ZBTB20: variants seen among roughly 807,000 people sequenced by gnomAD.
ZBTB20 encodes the protein zinc finger and BTB domain containing 20.
In ZBTB20, 9 loss-of-function variants were observed where a neutral mutation model predicts 56.9. The observed-to-expected ratio is 0.16, with a 90% CI of 0.10 to 0.28. ZBTB20 has a LOEUF of 0.28. Among genes scored for constraint, ZBTB20 ranks in the 10% least tolerant of loss-of-function variants. The pLI, the probability that ZBTB20 is intolerant of heterozygous loss-of-function variation, is 1.00. For synonymous variants in ZBTB20, 417 were observed against 420.7 expected (o/e 0.99, Z 0.11); for missense variants, 655 against 1,003.0 (o/e 0.65, Z 4.69).
intron 5 of ZBTB20, among the ~76,000 whole-genome samples, chr3:114,794,157 T>G (rs2071179963): frequency 1.3e-5 from 2 of 152,086 alleles, no homozygotes; most frequent in Non-Finnish European, 2.9e-5. Flanking sequence ...GCTCAGTTTT[T>G]TCATTATAAA....
chr3:114,869,106 TAGG>T (rs922120285), intron 4 of ZBTB20, among the ~76,000 whole-genome samples: 7 of 152,028 alleles, frequency 4.6e-5, no homozygotes, highest in Non-Finnish European at 8.8e-5. Flanking sequence ...GATCTCAACT[TAGG>T]AGGTTACTGA....
chr3:114,521,005 T>C (rs546832274), intron 6 of ZBTB20, among the ~76,000 whole-genome samples: 2 of 152,286 alleles, frequency 1.3e-5, no homozygotes, highest in African/African-American at 2.4e-5. Flanking sequence ...CTTTTTTGAA[T>C]AGAAAGCAAT....
intron 5 of ZBTB20, among the ~76,000 whole-genome samples, chr3:114,797,310 C>G (rs755384396): frequency 6.6e-6 from 1 of 151,788 alleles, no homozygotes; most frequent in Non-Finnish European, 1.5e-5. Flanking sequence ...CTTTGGAAAA[C>G]TGATCCTCCC....
Position 114,743,001 on chromosome 3 carries a change from T to C in ZBTB20, c.-342-49426A>G, listed in dbSNP as rs539103878. On this transcript the variant is annotated intron_variant, in intron 5 of 11. Coordinates refer to ENST00000675478, the MANE Select transcript of ZBTB20 (RefSeq NM_001348800.3). Reference sequence around the variant, plus strand: ...CAGTGGTTTTTCCCTTGCCCCATCATGTTCACTTTGACATCTTTTTTTTAT... The same window carrying C: ...CAGTGGTTTTTCCCTTGCCCCATCACGTTCACTTTGACATCTTTTTTTTAT... Among the ~76,000 whole-genome samples, 58 of 152,330 alleles carry C rather than the reference T, an allele frequency of 3.8e-4. 1 individual carries two copies. The South Asian group carries it at 0.011, about 29-fold the overall frequency.
At chr3:114,690,497 T>G (rs2062635804) in intron 6 of ZBTB20, among the ~76,000 whole-genome samples, 1 of 152,146 alleles carries the variant, frequency 6.6e-6, no homozygotes, top group Non-Finnish European at 1.5e-5. Context: ...ACAGACAGCC[T>G]GATTTGTACA....
intron 5 of ZBTB20, among the ~76,000 whole-genome samples, chr3:114,712,071 A>G (rs1187039388): frequency 2.0e-5 from 3 of 152,236 alleles, no homozygotes; most frequent in Non-Finnish European, 4.4e-5. Context: ...GGCAGCGATC[A>G]GTGAGTATTA....
chr3:114,943,527 TGGGA>T lies in ZBTB20; in HGVS notation c.-456+30835_-456+30838del, dbSNP rs896603745. Among the ~76,000 whole-genome samples the T allele has an allele frequency of 5.0e-4, 73 of 145,410 alleles. 17 individuals are homozygous for T. The highest frequency in any genetic ancestry group is 1.8e-3 in the African/African-American group (64 of 35,682). On this transcript the variant is annotated intron_variant, in intron 3 of 11. Coordinates refer to ENST00000675478, the MANE Select transcript of ZBTB20 (RefSeq NM_001348800.3). ...AAAAGAGTGAGAATAATCAGAGAAC[TGGGA>T]TTTATATTAAAAACCCAAAGATTAT...
At chr3:114,452,179 G>A (rs535508307) in intron 7 of ZBTB20, among the ~76,000 whole-genome samples, 1 of 152,006 alleles carries the variant, frequency 6.6e-6, no homozygotes, top group East Asian at 1.9e-4. Flanking sequence ...CAAGCAAAAA[G>A]GAAAAAAGCA....
rs554797622 is a variant in ZBTB20 at position 114,848,609 on chromosome 3, T to A, written c.-416-47435A>T. On this transcript the variant is annotated intron_variant, in intron 4 of 11. Coordinates refer to ENST00000675478, the MANE Select transcript of ZBTB20 (RefSeq NM_001348800.3). ...AGTGTCTCTACATGTAGTTGTTTTT[T>A]CCCTGCTCAAGACAAGTCATTCCTC... Among the ~76,000 whole-genome samples the A allele has an allele frequency of 2.6e-5, 4 of 152,298 alleles. No individual in the cohort carries two copies. The East Asian group carries it at 7.7e-4, about 29-fold the overall frequency.
intron 1 of ZBTB20, among the ~76,000 whole-genome samples, chr3:115,103,574 T>C (rs1006797094): frequency 6.6e-6 from 1 of 152,106 alleles, no homozygotes; most frequent in Non-Finnish European, 1.5e-5. Context: ...GATCTTTGAC[T>C]TAAAAGGAAA....
intron 6 of ZBTB20, among the ~76,000 whole-genome samples, chr3:114,597,999 T>C (rs577284407): frequency 9.2e-5 from 14 of 152,260 alleles, no homozygotes; most frequent in Admixed American, 9.2e-4. Flanking sequence ...AAATGGAAAT[T>C]GCAGTAAAAT....
At chr3:115,074,160 A>G (rs1342018823) in intron 1 of ZBTB20, among the ~76,000 whole-genome samples, 4 of 152,176 alleles carry the variant, frequency 2.6e-5, no homozygotes, top group Non-Finnish European at 4.4e-5. Context: ...ATTAAAAAGA[A>G]AGGCTCAAAG....
intron 1 of ZBTB20, among the ~76,000 whole-genome samples, chr3:115,140,576 G>C (rs1381953330): frequency 1.3e-5 from 2 of 151,796 alleles, no homozygotes; most frequent in African/African-American, 4.8e-5. Context: ...AGGGGTCTTT[G>C]TTTTGTTTTG....
At chr3:114,749,458 C>T (rs1301767454) in intron 5 of ZBTB20, among the ~76,000 whole-genome samples, 1 of 151,930 alleles carries the variant, frequency 6.6e-6, no homozygotes, top group Non-Finnish European at 1.5e-5. Context: ...GAGGCAGAGG[C>T]AAGAGAATCA....
At chr3:114,399,341 T>C in intron 7 of ZBTB20, among the ~76,000 whole-genome samples, 1 of 152,284 alleles carries the variant, frequency 6.6e-6, no homozygotes, top group East Asian at 1.9e-4. Flanking sequence ...AGCTATTTTA[T>C]AAATAAGAAT....
chr3:114,642,095 C>T (rs534993220), intron 6 of ZBTB20, among the ~76,000 whole-genome samples: 1 of 152,086 alleles, frequency 6.6e-6, no homozygotes, highest in African/African-American at 2.4e-5. Context: ...TTCTTTGTCT[C>T]ACTGATGATC....
At chr3:115,098,180 TACATGTATGACTTCGTGTCATACATGC>T (rs1035351352) in intron 1 of ZBTB20, among the ~76,000 whole-genome samples, 26 of 152,302 alleles carry the variant, frequency 1.7e-4, no homozygotes, top group African/African-American at 5.3e-4. Flanking sequence ...TATTTATCCA[TACATGTATGACTTCGTGTCATACATGC>T]ACATGTATGC....
chr3:115,093,527 T>G (rs555384792), intron 1 of ZBTB20, among the ~76,000 whole-genome samples: 1 of 152,294 alleles, frequency 6.6e-6, no homozygotes, highest in East Asian at 1.9e-4. Context: ...GCTAGAAAAG[T>G]TCTTTTTGTT....
intron 7 of ZBTB20, among the ~76,000 whole-genome samples, chr3:114,471,401 T>C (rs1260322033): frequency 6.6e-6 from 1 of 152,164 alleles, no homozygotes; most frequent in Non-Finnish European, 1.5e-5. Context: ...TCTCCCAGAA[T>C]ATGGGAACAA....
Sources: gnomAD v4.1 joint callset for allele counts (sites outside exome capture counted in the v4.1 genomes callset) on GRCh38, gnomAD v4.1.1 for gene constraint, MANE v1.5 for transcripts, NCBI Gene and HGNC (gene_info 2026-07-23, HGNC 2026-07-21) for gene names.